Variants in FHIT observed in about 807,000 individuals in gnomAD.
The protein encoded by FHIT is bis(5'-adenosyl)-triphosphatase.
A neutral mutation model predicts 17.9 loss-of-function variants in FHIT; 19 were observed. The observed-to-expected ratio is 1.06, with a 90% CI of 0.74 to 1.56. The LOEUF (loss-of-function observed/expected upper bound fraction) is 1.56. Among genes scored for constraint, FHIT ranks in the 40% most tolerant of loss-of-function variants. The pLI is 0.00. For missense variants in FHIT, 248 were observed against 189.2 expected (o/e 1.31, Z -1.82); for synonymous variants, 81 against 69.7 (o/e 1.16, Z -0.81).
intron 4 of FHIT, among the ~76,000 whole-genome samples, chr3:60,611,229 AGGT>A (rs1265523659): frequency 6.6e-6 from 1 of 152,192 alleles, no homozygotes; most frequent in Non-Finnish European, 1.5e-5. Flanking sequence ...ACAACACTGA[AGGT>A]CCAGTTTGCA....
rs115709519 is a variant in FHIT at position 59,916,132 on chromosome 3, C to T, written c.348+6214G>A. ...CAGACCCACCCTCAATCTTGGTGGGCACCATCTAATCAGCCGTCAGCATGG... is the reference window on the plus strand; with the variant it reads ...CAGACCCACCCTCAATCTTGGTGGGTACCATCTAATCAGCCGTCAGCATGG... On this transcript the variant is annotated intron_variant, in intron 8 of 9. Transcript: ENST00000492590. Among the ~76,000 whole-genome samples the T allele has an allele frequency of 9.4e-3, 1,434 of 152,114 alleles. 19 individuals are homozygous for T. Among genetic ancestry groups the T allele is most frequent in the Admixed American group, 0.024 (374 of 15,286 alleles).
intron 5 of FHIT, among the ~76,000 whole-genome samples, chr3:60,072,942 C>T (rs373243390): frequency 1.0e-3 from 159 of 152,276 alleles, no homozygotes; most frequent in African/African-American, 3.6e-3. Flanking sequence ...GTTATAGGCT[C>T]ATGGTCAACA....
chr3:60,879,576 A>G (rs1449149725), intron 3 of FHIT, among the ~76,000 whole-genome samples: 1 of 152,254 alleles, frequency 6.6e-6, no homozygotes, highest in African/African-American at 2.4e-5. Context: ...CCTAATGACA[A>G]GAAAATCAAT....
intron 5 of FHIT, among the ~76,000 whole-genome samples, chr3:60,247,782 G>T (rs1705478054): frequency 6.6e-6 from 1 of 152,082 alleles, no homozygotes; most frequent in Admixed American, 6.6e-5. Context: ...TCTCTAAAAT[G>T]AGAGAAATTC....
chr3:60,908,583 G>A (rs1315669164), intron 3 of FHIT, among the ~76,000 whole-genome samples: 1 of 151,948 alleles, frequency 6.6e-6, no homozygotes. Flanking sequence ...AAAAAGCTAT[G>A]GAGAAGAGAG....
At chr3:60,938,818 T>A (rs77111159) in intron 3 of FHIT, among the ~76,000 whole-genome samples, 1 of 152,192 alleles carries the variant, frequency 6.6e-6, no homozygotes, top group Non-Finnish European at 1.5e-5. Context: ...GTGTATTCTT[T>A]GTGTATTTTT....
intron 5 of FHIT, among the ~76,000 whole-genome samples, chr3:60,246,450 G>C (rs17062605): frequency 0.015 from 2,303 of 152,184 alleles, 21 homozygotes; most frequent in Middle Eastern, 0.054. Flanking sequence ...CGTATCAAAT[G>C]TCCCGTGGAT....
chr3:61,147,205 T>C (rs942818253), intron 2 of FHIT, among the ~76,000 whole-genome samples: 1 of 151,956 alleles, frequency 6.6e-6, no homozygotes, highest in African/African-American at 2.4e-5. Context: ...AAGACAGAAA[T>C]GTATTAATTA....
At chr3:60,162,452 C>A (rs1347390398) in intron 5 of FHIT, among the ~76,000 whole-genome samples, 2 of 152,030 alleles carry the variant, frequency 1.3e-5, no homozygotes, top group Non-Finnish European at 2.9e-5. Flanking sequence ...TTTATGTAAC[C>A]AATGAGATCG....
intron 3 of FHIT, among the ~76,000 whole-genome samples, chr3:60,860,268 CATGAGATACATCATAT>C: frequency 8.3e-6 from 1 of 119,988 alleles, no homozygotes; most frequent in African/African-American, 2.7e-5. Flanking sequence ...CATATGTATA[CATGAGATACATCATAT>C]GTATACATGA....
chr3:59,937,868 A>C (rs1261152511), intron 7 of FHIT, among the ~76,000 whole-genome samples: 1 of 152,166 alleles, frequency 6.6e-6, no homozygotes, highest in African/African-American at 2.4e-5. Flanking sequence ...CCTGAATTAC[A>C]AAGTATTAAG....
intron 2 of FHIT, among the ~76,000 whole-genome samples, chr3:61,075,554 G>C (rs925876995): frequency 2.0e-5 from 3 of 152,052 alleles, no homozygotes; most frequent in African/African-American, 7.2e-5. Flanking sequence ...CAGAAAAGGT[G>C]AGGAGAACAC....
intron 5 of FHIT, among the ~76,000 whole-genome samples, chr3:60,453,980 C>T (rs1374250546): frequency 1.3e-5 from 2 of 151,946 alleles, no homozygotes; most frequent in East Asian, 1.9e-4. Context: ...AAAAAATAAC[C>T]TAAGCATTGT....
At chr3:60,819,896 A>G (rs1252682039) in intron 4 of FHIT, among the ~76,000 whole-genome samples, 4 of 152,216 alleles carry the variant, frequency 2.6e-5, no homozygotes, top group Admixed American at 6.5e-5. Flanking sequence ...TCTTTCTAGG[A>G]GTAAGTAGGG....
chr3:59,778,499 A>G (rs1034029796), intron 8 of FHIT, among the ~76,000 whole-genome samples: 1 of 152,214 alleles, frequency 6.6e-6, no homozygotes, highest in Non-Finnish European at 1.5e-5. Flanking sequence ...GTTTTACTGT[A>G]AAGGGCCAGA....
chr3:60,394,655 G>T (rs910987598), intron 5 of FHIT, among the ~76,000 whole-genome samples: 1 of 152,096 alleles, frequency 6.6e-6, no homozygotes, highest in Admixed American at 6.6e-5. Flanking sequence ...CTCCAATGGA[G>T]GAAATACTAG....
At chr3:59,923,511 A>G (rs147086213) in intron 7 of FHIT, among the ~76,000 whole-genome samples, 1 of 152,314 alleles carries the variant, frequency 6.6e-6, no homozygotes, top group African/African-American at 2.4e-5. Flanking sequence ...GGCTCAGAGC[A>G]TATCTAATTC....
intron 3 of FHIT, among the ~76,000 whole-genome samples, chr3:60,942,201 G>T (rs1708441837): frequency 6.6e-6 from 1 of 152,102 alleles, no homozygotes; most frequent in African/African-American, 2.4e-5. Flanking sequence ...CCAGGCTGAA[G>T]TAGTTATTTT....
At chr3:59,983,042 G>A (rs1034187278) in intron 7 of FHIT, among the ~76,000 whole-genome samples, 4 of 151,782 alleles carry the variant, frequency 2.6e-5, no homozygotes, top group South Asian at 2.1e-4. Context: ...TGGCTCAAGC[G>A]ATCCTCCCAC....
Sources: allele counts gnomAD v4.1 joint callset (sites outside exome capture counted in the v4.1 genomes callset), GRCh38; gene constraint gnomAD v4.1.1; transcripts MANE v1.5; gene names NCBI Gene and HGNC (gene_info 2026-07-23, HGNC 2026-07-21).